The following CRISP2 variants were observed in gnomAD, a reference collection of about 807,000 sequenced individuals.
CRISP2 encodes the protein cysteine rich secretory protein 2, also known as cysteine-rich secretory protein 2.
A neutral mutation model predicts 31.7 loss-of-function variants in CRISP2; 29 were observed. The ratio of observed to expected loss-of-function variants is 0.92; its 90% confidence interval spans 0.68 to 1.25. The LOEUF is 1.25. Among genes scored for constraint, CRISP2 ranks in the 50% most tolerant of loss-of-function variants. The pLI, the probability that CRISP2 is intolerant of heterozygous loss-of-function variation, is 0.00. For synonymous variants in CRISP2, 111 were observed against 101.4 expected, an observed-to-expected ratio of 1.09 and a Z score of -0.57; for missense variants, 318 against 286.5, an observed-to-expected ratio of 1.11 and a Z score of -0.79.
At position 49,700,752 on chromosome 6, in the gene CRISP2, C is replaced by A; in HGVS notation, c.99G>T (p.Gln33His). ...DPAFTALLTT[Q>H]LQVQREIVNK... ...TTACAATCTCCCTTTGCACTTGCAACTGGGTGGTTAACAAAGCAGTAAAAG... is the reference window on the plus strand; with the variant it reads ...TTACAATCTCCCTTTGCACTTGCAAATGGGTGGTTAACAAAGCAGTAAAAG... The change falls in exon 5 of 10, where the codon CAG (glutamine) becomes CAT (histidine). Residue 33 changes from glutamine to histidine, a missense_variant. Coordinates refer to ENST00000339139, the MANE Select transcript of CRISP2 (RefSeq NM_003296.4). The A allele has an allele frequency of 6.2e-7, 1 of 1,611,962 alleles. No individual in the cohort carries two copies. Among genetic ancestry groups the A allele is most frequent in the Non-Finnish European group, 8.5e-7 (1 of 1,178,724 alleles).
chr6:49,689,654 A>AT (rs1763988817), downstream of CRISP2, among the ~76,000 whole-genome samples: 1 of 152,132 alleles, frequency 6.6e-6, no homozygotes, highest in African/African-American at 2.4e-5. Context: ...TAACTTTTAC[A>AT]TTTTTAGGAA....
downstream of CRISP2, among the ~76,000 whole-genome samples, chr6:49,690,304 A>C (rs1300657596): frequency 6.6e-6 from 1 of 152,128 alleles, no homozygotes; most frequent in African/African-American, 2.4e-5. Context: ...CTTAATATTT[A>C]ATAGAGAAAG....
chr6:49,683,900 T>C, the CRISP2 span, among the ~76,000 whole-genome samples: 1 of 151,478 alleles, frequency 6.6e-6, no homozygotes, highest in Admixed American at 6.6e-5. Context: ...TCAAATTAAA[T>C]GTCCAGTTTG....
chr6:49,692,933 C>T (rs767445386), intron 9 of CRISP2, 33 bp from the exon 10 acceptor site: 17 of 1,608,064 alleles, frequency 1.1e-5, no homozygotes, highest in Middle Eastern at 1.7e-4. Context: ...AACTCATTAT[C>T]GTTTTCCTCA....
downstream of CRISP2, among the ~76,000 whole-genome samples, chr6:49,688,875 T>A (rs1280017308): frequency 6.6e-6 from 1 of 152,126 alleles, no homozygotes; most frequent in Non-Finnish European, 1.5e-5. Context: ...TTTTCTTTTA[T>A]TTTTTTGGGG....
Position 49,702,863 on chromosome 6 carries a change from A to G in CRISP2, c.67-2079T>C, listed in dbSNP as rs146691688. Among the ~76,000 whole-genome samples the G allele has an allele frequency of 1.8e-3, 278 of 152,080 alleles. 1 individual carries two copies. The highest frequency in any genetic ancestry group is 6.6e-3 in the African/African-American group (272 of 41,476). ...ATTTGCTTTTGGGTTCTTGGTCATA[A>G]GACATTTGCCTTGGTCTTAGACATT... On this transcript the variant is annotated intron_variant, in intron 4 of 9. Transcript: ENST00000339139.
the CRISP2 span, among the ~76,000 whole-genome samples, chr6:49,682,635 C>CTT: frequency 2.7e-5 from 2 of 73,444 alleles, no homozygotes; most frequent in African/African-American, 1.5e-4. Flanking sequence ...TTCTTTCTTT[C>CTT]TTTCTTTCTT....
At chr6:49,701,485 CG>C (rs1561875016) in intron 4 of CRISP2, among the ~76,000 whole-genome samples, 4 of 81,494 alleles carry the variant, frequency 4.9e-5, no homozygotes, top group Non-Finnish European at 9.2e-5. Context: ...AGCAGTATTA[CG>C]TGTGTGTGTG....
chr6:49,707,662 C>T (rs1451086981), intron 4 of CRISP2, among the ~76,000 whole-genome samples: 1 of 152,138 alleles, frequency 6.6e-6, no homozygotes, highest in Non-Finnish European at 1.5e-5. Context: ...TACAGTAATA[C>T]AATGACTATA....
At chr6:49,691,783 T>C (rs957620902), downstream of CRISP2, among the ~76,000 whole-genome samples, 4 of 152,082 alleles carry the variant, frequency 2.6e-5, no homozygotes, top group African/African-American at 9.7e-5. Context: ...ATTTCCTTTT[T>C]GGAAGCTTTA....
In CRISP2 at chr6:49,692,884, A is replaced by T; in HGVS notation, c.621T>A (p.Tyr207Ter). Residue 207 changes from tyrosine (Y) to a stop codon, truncating the protein, a stop_gained, in exon 10 of 10, where the codon TAT becomes TAA. Coordinates refer to ENST00000339139, the MANE Select transcript of CRISP2 (RefSeq NM_003296.4). LOFTEE classifies it low-confidence loss of function (END_TRUNC). ...AATCACAGTTACTTAGGAGATCTTGATACTGGCAACTATTGGCTGTAACAA... is the reference window on the plus strand; with the variant it reads ...AATCACAGTTACTTAGGAGATCTTGTTACTGGCAACTATTGGCTGTAACAA... ...DKGLCTNSCQ[Y>*]QDLLSNCDSL... is the part of the protein sequence containing the mutation. 2 of 1,613,650 alleles carry T rather than the reference A, an allele frequency of 1.2e-6. No individual in the cohort carries two copies. Among genetic ancestry groups the T allele is most frequent in the Non-Finnish European group, 1.7e-6 (2 of 1,179,648 alleles).
At position 49,712,368 on chromosome 6, in the gene CRISP2, A is replaced by G. The variant is rs947011961; in HGVS notation, c.-47+133T>C. 16 of 152,348 alleles carry G rather than the reference A, an allele frequency of 1.1e-4. No homozygotes were observed. The South Asian group carries it at 1.5e-3, about 14-fold the overall frequency. 9.4% of individuals were successfully genotyped at this position (152,348 alleles called of 1,614,324 possible). A position where few individuals can be genotyped will look rare whatever the true frequency, so the allele number is the denominator to read the frequency against. On this transcript the variant is annotated intron_variant, in intron 2 of 9. Transcript: ENST00000339139. ...CATCTTCATTGAGTCAATGAAAGCA[A>G]TGTCACTGTTGGTGAGAGTATATTC... is the stretch of plus-strand genomic sequence containing the variant.
the CRISP2 span, among the ~76,000 whole-genome samples, chr6:49,686,351 A>G: frequency 6.6e-6 from 1 of 152,224 alleles, no homozygotes. Context: ...ATATTCTTGG[A>G]ACAACAATAT....
chr6:49,678,880 C>T, the CRISP2 span, among the ~76,000 whole-genome samples: 6 of 152,198 alleles, frequency 3.9e-5, no homozygotes, highest in African/African-American at 1.4e-4. Context: ...TCAAAATGAT[C>T]GTAGCTACTT....
In CRISP2 at chr6:49,701,615, T is replaced by C. The variant is rs1338579113; in HGVS notation, c.67-831A>G. Among the ~76,000 whole-genome samples, 3 of 118,044 alleles carry C rather than the reference T, an allele frequency of 2.5e-5. No individual in the cohort carries two copies. In the East Asian group the frequency reaches 7.6e-4, roughly 30 times the overall value. The allele number at this position is 118,044 out of a possible 152,430, so 77.4% of individuals were successfully genotyped here. A position where few individuals can be genotyped will look rare whatever the true frequency, so the allele number is the denominator to read the frequency against. On this transcript the variant is annotated intron_variant, in intron 4 of 9. Transcript: ENST00000339139. ...TATATATACACACACACACGGTATATATATATACATTATATATGTATACAT... is the reference window on the plus strand; with the variant it reads ...TATATATACACACACACACGGTATACATATATACATTATATATGTATACAT...
chr6:49,684,248 A>C, the CRISP2 span, among the ~76,000 whole-genome samples: 2 of 152,234 alleles, frequency 1.3e-5, no homozygotes, highest in East Asian at 3.9e-4. Flanking sequence ...AGCATTTGTT[A>C]TGACCTACAC....
the CRISP2 span, among the ~76,000 whole-genome samples, chr6:49,683,694 A>AAT: frequency 0.011 from 68 of 6,186 alleles, no homozygotes; most frequent in African/African-American, 0.019. Flanking sequence ...AAAAAAAAAA[A>AAT]ATATATATAT....
chr6:49,710,901 A>G (rs1206763981), intron 3 of CRISP2, among the ~76,000 whole-genome samples: 1 of 152,168 alleles, frequency 6.6e-6, no homozygotes, highest in Non-Finnish European at 1.5e-5. Flanking sequence ...CTGAGGTGAG[A>G]GCACATAACT....
chr6:49,701,920 AT>A (rs1330995999), intron 4 of CRISP2, among the ~76,000 whole-genome samples: 277 of 13,398 alleles, frequency 0.021, 1 homozygote, highest in Non-Finnish European at 0.025. Context: ...TATATATTAT[AT>A]TATATATAAT....
Sources: allele counts gnomAD v4.1 joint callset (sites outside exome capture counted in the v4.1 genomes callset), GRCh38; gene constraint gnomAD v4.1.1; transcripts MANE v1.5; gene names NCBI Gene and HGNC (gene_info 2026-07-23, HGNC 2026-07-21).